Variants in GRIN2A observed in about 807,000 individuals in gnomAD.
The protein encoded by GRIN2A is glutamate ionotropic receptor NMDA type subunit 2A.
A neutral mutation model predicts 113.4 loss-of-function variants in GRIN2A; 22 were observed. The observed-to-expected ratio is 0.19, with a 90% confidence interval of 0.14 to 0.28. The LOEUF (loss-of-function observed/expected upper bound fraction) is 0.28, where lower values mean the gene tolerates loss of function less well. GRIN2A is among the 10% of genes least tolerant of loss of function. GRIN2A has a pLI of 1.00. For synonymous variants in GRIN2A, 827 were observed against 738.4 expected, an observed-to-expected ratio of 1.12 and a Z score of -1.94; for missense variants, 1,502 against 1,887.0, an observed-to-expected ratio of 0.80 and a Z score of 3.78.
chr16:9,955,948 G>A (rs1260912711), intron 2 of GRIN2A, among the ~76,000 whole-genome samples: 2 of 152,192 alleles, frequency 1.3e-5, no homozygotes, highest in Non-Finnish European at 2.9e-5. Flanking sequence ...CGCTGACAAA[G>A]TCTCTGCCAG....
intron 2 of GRIN2A, among the ~76,000 whole-genome samples, chr16:10,024,853 A>C (rs1251637462): frequency 1.3e-5 from 2 of 152,232 alleles, no homozygotes; most frequent in Non-Finnish European, 2.9e-5. Flanking sequence ...GTAGACACAG[A>C]ATGGCTATTT....
chr16:10,132,748 G>A lies in GRIN2A; in HGVS notation c.414+47250C>T, dbSNP rs554040202. Reference sequence around the variant, plus strand: ...ACTGCAGAAAGAAGCAAAATAATACGTCTAAGCAGTGTAGCAGAAGACCTG... The same window carrying A: ...ACTGCAGAAAGAAGCAAAATAATACATCTAAGCAGTGTAGCAGAAGACCTG... On this transcript the variant is annotated intron_variant, in intron 2 of 12. Coordinates refer to ENST00000330684, the MANE Select transcript of GRIN2A (RefSeq NM_001134407.3). Among the ~76,000 whole-genome samples, 19 of 152,294 alleles carry A rather than the reference G, an allele frequency of 1.2e-4. No homozygotes were observed. The South Asian group carries it at 2.9e-3, about 23-fold the overall frequency.
At chr16:9,914,874 T>TCCA (rs149957646) in intron 3 of GRIN2A, among the ~76,000 whole-genome samples, 1,391 of 137,472 alleles carry the variant, frequency 0.01, 35 homozygotes, top group African/African-American at 0.036. Flanking sequence ...GGCATATGTT[T>TCCA]CCATTTATTT....
chr16:10,094,720 G>C (rs542501660), intron 2 of GRIN2A, among the ~76,000 whole-genome samples: 1 of 152,072 alleles, frequency 6.6e-6, no homozygotes, highest in East Asian at 1.9e-4. Flanking sequence ...AAAGTGCTGG[G>C]ATTATAGGCA....
At position 9,938,603 on chromosome 16, in the gene GRIN2A, T is replaced by C. The variant is rs570818867; in HGVS notation, c.415-52A>G. ...AGGATGAGGCAGGAGGTGGTTTATA[T>C]AGAAGCACAAACTGCGTCCTAGAAG... On this transcript the variant is annotated intron_variant, in intron 2 of 12. Transcript: ENST00000330684. 3.2e-5 allele frequency: 42 copies of C among 1,326,418 alleles called. No homozygotes were observed. In the South Asian group the frequency reaches 4.2e-4, roughly 13 times the overall value. The allele number at this position is 1,326,418 out of a possible 1,614,324, so 82.2% of individuals were successfully genotyped here.
chr16:10,024,608 G>A (rs1193245625), intron 2 of GRIN2A, among the ~76,000 whole-genome samples: 1 of 152,218 alleles, frequency 6.6e-6, no homozygotes, highest in Non-Finnish European at 1.5e-5. Context: ...TTGCCGCTTA[G>A]AGATCACAAG....
rs1195850208 is a variant in GRIN2A, at chr16:9,753,737, AT to A, written c.*9411del. ...TGCAGTGGATTAAAACATGACAGAT[AT>A]AAACTGCTGCAGTTGATCAGTGAAC... On this transcript the variant is annotated 3_prime_UTR_variant, in exon 13 of 13. Coordinates refer to ENST00000330684, the MANE Select transcript of GRIN2A (RefSeq NM_001134407.3). The A allele has an allele frequency of 1.3e-4, 25 of 190,820 alleles. No homozygotes were observed. The highest frequency in any genetic ancestry group is 5.8e-4 in the African/African-American group (25 of 43,024). 11.8% of individuals were successfully genotyped at this position (190,820 alleles called of 1,614,324 possible).
At chr16:9,865,216 C>G (rs2141410038) in intron 4 of GRIN2A, among the ~76,000 whole-genome samples, 1 of 152,336 alleles carries the variant, frequency 6.6e-6, no homozygotes, top group Admixed American at 6.5e-5. Context: ...TTCTAAGGCA[C>G]TGGGGGAAGA....
intron 2 of GRIN2A, among the ~76,000 whole-genome samples, chr16:10,005,188 T>C (rs2046384879): frequency 1.3e-5 from 2 of 152,202 alleles, no homozygotes; most frequent in Non-Finnish European, 2.9e-5. Context: ...GTAATTAGTT[T>C]AAGAAATTAC....
chr16:9,797,552 A>T (rs1037106632), intron 11 of GRIN2A, among the ~76,000 whole-genome samples: 1 of 152,206 alleles, frequency 6.6e-6, no homozygotes, highest in African/African-American at 2.4e-5. Context: ...CCTTTCCTTC[A>T]TTCCTCCACG....
intron 2 of GRIN2A, among the ~76,000 whole-genome samples, chr16:10,113,598 C>G (rs1024667264): frequency 6.6e-6 from 1 of 152,180 alleles, no homozygotes. Flanking sequence ...AAAAATTATG[C>G]TTACAGAGAT....
chr16:10,007,139 G>T (rs925616689), intron 2 of GRIN2A, among the ~76,000 whole-genome samples: 2 of 152,160 alleles, frequency 1.3e-5, no homozygotes, highest in Non-Finnish European at 2.9e-5. Flanking sequence ...CCTTCTTTGG[G>T]TATATAGTTG....
chr16:10,171,552 G>A (rs917796549), intron 2 of GRIN2A: 5 of 152,182 alleles, frequency 3.3e-5, no homozygotes, highest in African/African-American at 1.2e-4. Context: ...GGAAGCTTCT[G>A]ATTGTCTCAG....
chr16:10,128,066 C>CAAAGCAAGCAATTGATTTTAAT (rs2048982848), intron 2 of GRIN2A, among the ~76,000 whole-genome samples: 1 of 152,222 alleles, frequency 6.6e-6, no homozygotes, highest in South Asian at 2.1e-4. Flanking sequence ...CACGCCAAGG[C>CAAAGCAAGCAATTGATTTTAAT]TCAGTGAGCT....
rs1273137371 is a variant in GRIN2A, at chr16:9,756,945, G to A, written c.*6204C>T. On this transcript the variant is annotated 3_prime_UTR_variant, in exon 13 of 13. Transcript: ENST00000330684. ...CTGTCAGCCACAGCAGTAGGCACTT[G>A]GAACTTGATAAAGAATTTTCCCTCT... is the stretch of plus-strand genomic sequence containing the variant. The A allele has an allele frequency of 1.1e-5, 2 of 189,864 alleles. No homozygotes were observed. The highest frequency in any genetic ancestry group is 4.6e-5 in the African/African-American group (2 of 43,054). 11.8% of individuals were successfully genotyped at this position (189,864 alleles called of 1,614,324 possible).
chr16:9,953,359 G>A (rs1030451809), intron 2 of GRIN2A, among the ~76,000 whole-genome samples: 10 of 152,186 alleles, frequency 6.6e-5, no homozygotes, highest in Non-Finnish European at 1.5e-4. Flanking sequence ...ACCTAGCCTT[G>A]TACCTGACAT....
rs1368778984 is a variant in GRIN2A at position 9,972,505 on chromosome 16, C to T, written c.415-33954G>A. On this transcript the variant is annotated intron_variant, in intron 2 of 12. Coordinates refer to ENST00000330684, the MANE Select transcript of GRIN2A (RefSeq NM_001134407.3). ...TTAAAGCAGCTATTCTAACAATACACTTAATGAGGTAAAGGAAAATATGCT... is the reference window on the plus strand; with the variant it reads ...TTAAAGCAGCTATTCTAACAATACATTTAATGAGGTAAAGGAAAATATGCT... Among the ~76,000 whole-genome samples the T allele has an allele frequency of 2.0e-5, 3 of 151,952 alleles. No individual in the cohort carries two copies. The East Asian group carries it at 5.8e-4, about 29-fold the overall frequency.
At chr16:10,157,553 C>A (rs905565704) in intron 2 of GRIN2A, among the ~76,000 whole-genome samples, 3 of 152,178 alleles carry the variant, frequency 2.0e-5, no homozygotes, top group Admixed American at 2.0e-4. Context: ...AACTTACAAT[C>A]ATGGCAGAAG....
At chr16:10,071,392 A>C (rs1275907125) in intron 2 of GRIN2A, among the ~76,000 whole-genome samples, 1 of 152,216 alleles carries the variant, frequency 6.6e-6, no homozygotes, top group African/African-American at 2.4e-5. Context: ...TTAAAACTGC[A>C]ATAATAGAGT....
Sources: gnomAD v4.1 joint callset for allele counts (sites outside exome capture counted in the v4.1 genomes callset) on GRCh38, gnomAD v4.1.1 for gene constraint, MANE v1.5 for transcripts, NCBI Gene and HGNC (gene_info 2026-07-23, HGNC 2026-07-21) for gene names.